GSK3B: variants seen among roughly 807,000 people sequenced by gnomAD.
GSK3B encodes the protein glycogen synthase kinase 3 beta, also known as glycogen synthase kinase-3 beta.
Under a neutral mutation model 56.4 loss-of-function variants are expected in GSK3B, and 15 were observed. That is an observed-to-expected ratio of 0.27 (90% CI 0.18 to 0.41). The LOEUF (loss-of-function observed/expected upper bound fraction) is 0.41, where lower values mean the gene tolerates loss of function less well. GSK3B is among the 10% of genes least tolerant of loss of function. The pLI is 1.00. For missense variants in GSK3B, 300 were observed against 513.4 expected, an observed-to-expected ratio of 0.58 and a Z score of 4.02; for synonymous variants, 181 against 188.9, an observed-to-expected ratio of 0.96 and a Z score of 0.34.
chr3:119,938,632 C>T (rs1256255283), intron 3 of GSK3B, among the ~76,000 whole-genome samples: 1 of 152,044 alleles, frequency 6.6e-6, no homozygotes, highest in African/African-American at 2.4e-5. Context: ...GTGATAGCTG[C>T]ATTATATCAT....
intron 3 of GSK3B, among the ~76,000 whole-genome samples, chr3:119,944,093 T>C (rs1389320768): frequency 6.6e-6 from 1 of 152,204 alleles, no homozygotes; most frequent in Non-Finnish European, 1.5e-5. Flanking sequence ...AAGTCATCTA[T>C]TCTAGAACCT....
At chr3:119,967,852 C>T (rs1559857233) in intron 2 of GSK3B, among the ~76,000 whole-genome samples, 1 of 136,564 alleles carries the variant, frequency 7.3e-6, no homozygotes. Flanking sequence ...CTCTCTCTCT[C>T]TCTCTCTCTC....
At chr3:120,076,768 C>T (rs1167273652) in intron 1 of GSK3B, among the ~76,000 whole-genome samples, 1 of 139,334 alleles carries the variant, frequency 7.2e-6, no homozygotes, top group Admixed American at 7.5e-5. Flanking sequence ...GAGTCGAGAT[C>T]GCGCCACTGC....
chr3:119,851,920 C>G (rs1252865125), intron 9 of GSK3B, among the ~76,000 whole-genome samples: 1 of 152,022 alleles, frequency 6.6e-6, no homozygotes, highest in East Asian at 1.9e-4. Flanking sequence ...AGATGATGTC[C>G]CTTGCTCTCA....
intron 7 of GSK3B, among the ~76,000 whole-genome samples, chr3:119,891,328 G>A (rs2056499061): frequency 6.6e-6 from 1 of 151,884 alleles, no homozygotes; most frequent in South Asian, 2.1e-4. Context: ...TAGATATGAA[G>A]AGCAAAGATT....
At chr3:120,006,230 T>C (rs987031626) in intron 1 of GSK3B, among the ~76,000 whole-genome samples, 3 of 152,206 alleles carry the variant, frequency 2.0e-5, no homozygotes, top group Non-Finnish European at 4.4e-5. Flanking sequence ...CTAAAATATA[T>C]GCACCCAATA....
At chr3:119,978,847 G>A (rs1398865770) in intron 2 of GSK3B, among the ~76,000 whole-genome samples, 1 of 152,186 alleles carries the variant, frequency 6.6e-6, no homozygotes, top group South Asian at 2.1e-4. Context: ...GTCCTCAGAG[G>A]ACCAGCAGGA....
chr3:119,978,194 C>G (rs1157320157), intron 2 of GSK3B, among the ~76,000 whole-genome samples: 1 of 152,086 alleles, frequency 6.6e-6, no homozygotes, highest in Admixed American at 6.5e-5. Flanking sequence ...CTGAAACATT[C>G]CAAACTCCTC....
chr3:119,889,053 T>TCCTTTGTC (rs2056472135), intron 7 of GSK3B, among the ~76,000 whole-genome samples: 1 of 152,148 alleles, frequency 6.6e-6, no homozygotes. Context: ...CTGCCTTTTG[T>TCCTTTGTC]CCTTTGTCCT....
At chr3:120,006,236 C>T (rs2057726340) in intron 1 of GSK3B, among the ~76,000 whole-genome samples, 1 of 152,138 alleles carries the variant, frequency 6.6e-6, no homozygotes, top group African/African-American at 2.4e-5. Context: ...TATATGCACC[C>T]AATACAAGAG....
chr3:119,897,184 T>A (rs1371050905), intron 7 of GSK3B, among the ~76,000 whole-genome samples: 3 of 152,156 alleles, frequency 2.0e-5, no homozygotes, highest in Non-Finnish European at 4.4e-5. Context: ...AAAGACAAAC[T>A]GAGCTACATC....
rs568001805 is a variant in GSK3B at position 119,939,991 on chromosome 3, C to T, written c.366+7277G>A. ...AGTAAAGAAAAATGGAGAATAAAAC[C>T]CTAGGGAACACCAAGAACTAATGGT... On this transcript the variant is annotated intron_variant, in intron 3 of 10. Transcript: ENST00000264235. Among the ~76,000 whole-genome samples, 8 of 151,626 alleles carry T rather than the reference C, an allele frequency of 5.3e-5. No individual in the cohort carries two copies. The East Asian group carries it at 1.4e-3, about 26-fold the overall frequency.
In GSK3B at chr3:119,872,278, C is replaced by T. The variant is rs138417550; in HGVS notation, c.909+4135G>A. On this transcript the variant is annotated intron_variant, in intron 8 of 10. Coordinates refer to ENST00000264235, the MANE Select transcript of GSK3B (RefSeq NM_001146156.2). ...GGGAATAGGACAAATACTAAATACTCTATTTTTCTGGAAAAGAAAGGCAGA... is the reference window on the plus strand; with the variant it reads ...GGGAATAGGACAAATACTAAATACTTTATTTTTCTGGAAAAGAAAGGCAGA... Among the ~76,000 whole-genome samples the T allele has an allele frequency of 5.9e-5, 9 of 152,208 alleles. No individual in the cohort carries two copies. In the East Asian group the frequency reaches 1.5e-3, roughly 26 times the overall value.
chr3:119,975,244 C>T (rs971426637), intron 2 of GSK3B, among the ~76,000 whole-genome samples: 3 of 152,210 alleles, frequency 2.0e-5, no homozygotes, highest in South Asian at 2.1e-4. Flanking sequence ...GTCAGGAGTT[C>T]GAGACCAGCC....
At chr3:120,044,825 T>C (rs1471564553) in intron 1 of GSK3B, among the ~76,000 whole-genome samples, 1 of 152,228 alleles carries the variant, frequency 6.6e-6, no homozygotes, top group Non-Finnish European at 1.5e-5. Flanking sequence ...GGAGTTTGTA[T>C]TATAATGAAA....
chr3:119,881,033 T>C (rs947261944), intron 7 of GSK3B, among the ~76,000 whole-genome samples: 7 of 152,140 alleles, frequency 4.6e-5, no homozygotes, highest in African/African-American at 1.7e-4. Flanking sequence ...AGCAACATTG[T>C]TCATAATAAT....
chr3:119,859,580 T>C (rs961858043), intron 9 of GSK3B, among the ~76,000 whole-genome samples: 5 of 152,184 alleles, frequency 3.3e-5, no homozygotes, highest in Admixed American at 1.3e-4. Flanking sequence ...CAATTCCATG[T>C]TTTCATCAAT....
intron 2 of GSK3B, among the ~76,000 whole-genome samples, chr3:119,958,111 C>G (rs920598305): frequency 2.6e-5 from 4 of 152,066 alleles, no homozygotes; most frequent in Non-Finnish European, 4.4e-5. Context: ...TGAATTCTCA[C>G]AAGATTTGAT....
At chr3:119,916,932 A>T (rs939506927) in intron 4 of GSK3B, among the ~76,000 whole-genome samples, 2 of 152,194 alleles carry the variant, frequency 1.3e-5, no homozygotes, top group African/African-American at 4.8e-5. Flanking sequence ...TGGAGTAAAG[A>T]ATCAGACTCT....
Sources: gnomAD v4.1 joint callset for allele counts (sites outside exome capture counted in the v4.1 genomes callset) on GRCh38, gnomAD v4.1.1 for gene constraint, MANE v1.5 for transcripts, NCBI Gene and HGNC (gene_info 2026-07-23, HGNC 2026-07-21) for gene names.